The following ANK1 variants were observed in gnomAD, a reference collection of about 807,000 sequenced individuals.
ANK1 encodes ankyrin 1, also known as ankyrin-1.
A neutral mutation model predicts 210.4 loss-of-function variants in ANK1; 51 were observed. That is an observed-to-expected ratio of 0.24 (90% CI 0.19 to 0.31). The LOEUF is 0.31. Among genes scored for constraint, ANK1 ranks in the 10% least tolerant of loss-of-function variants. The pLI is 1.00. For missense variants in ANK1, 2,051 were observed against 2,504.4 expected (o/e 0.82, Z 3.86); for synonymous variants, 967 against 1,025.9 (o/e 0.94, Z 1.10).
In ANK1 at chr8:41,672,850, G is replaced by A. The variant is rs1812860709; in HGVS notation, c.4600C>T (p.Pro1534Ser). 1 of 1,611,204 alleles carries A rather than the reference G, an allele frequency of 6.2e-7. No homozygotes were observed. Among genetic ancestry groups the A allele is most frequent in the Non-Finnish European group, 8.5e-7 (1 of 1,179,914 alleles). ...TTCCAGTACTGGTCTGCACGTAGCGGAGAGGAAAGTGCACAGCCCAGGGAG... is the reference window on the plus strand; with the variant it reads ...TTCCAGTACTGGTCTGCACGTAGCGAAGAGGAAAGTGCACAGCCCAGGGAG... ...PASLGCALSS[P>S]LRADQYWNEV... is the part of the protein sequence containing the mutation. The change falls in exon 38 of 43, where the codon CCG becomes TCG. Residue 1534 changes from proline (P) to serine (S), a missense_variant. Pro to Ser is a moderately conservative substitution (Grantham distance 74). Around this residue, in one of 6 missense-constraint regions of ANK1, gnomAD observed 496 missense variants for 533.4 expected, o/e 0.93. Coordinates refer to ENST00000289734, the MANE Select transcript of ANK1 (RefSeq NM_000037.4).
intron 24 of ANK1, among the ~76,000 whole-genome samples, chr8:41,697,550 A>T (rs1391761409): frequency 6.6e-6 from 1 of 151,598 alleles, no homozygotes; most frequent in Admixed American, 6.6e-5. Flanking sequence ...CACACCACAC[A>T]GTGGAGCACT....
chr8:41,702,150 G>A lies in ANK1; in HGVS notation c.2296-6C>T. The stretch of plus-strand genomic sequence containing the variant: ...GCCAGAGGTGTGGTTCCATCCTGGG[G>A]AAAGAGCAGCCCGGGTGCAGTCAGA... On this transcript the variant is annotated splice_polypyrimidine_tract_variant and splice_region_variant and intron_variant, in intron 20 of 42. Transcript: ENST00000289734. 1 of 1,613,196 alleles carries A rather than the reference G, an allele frequency of 6.2e-7. No homozygotes were observed. Among genetic ancestry groups the A allele is most frequent in the Non-Finnish European group, 8.5e-7 (1 of 1,179,240 alleles).
intron 1 of ANK1, among the ~76,000 whole-genome samples, chr8:41,836,332 A>T (rs967989493): frequency 6.6e-6 from 1 of 152,272 alleles, no homozygotes; most frequent in African/African-American, 2.4e-5. Context: ...CATTCGTCAC[A>T]TACATTCATT....
chr8:41,667,194 C>A (rs1585874058), intron 39 of ANK1, among the ~76,000 whole-genome samples: 1 of 152,194 alleles, frequency 6.6e-6, no homozygotes, highest in South Asian at 2.1e-4. Flanking sequence ...GGCAGGGGAG[C>A]ATTCTAAATA....
intron 1 of ANK1, among the ~76,000 whole-genome samples, chr8:41,827,752 A>G (rs534040813): frequency 6.8e-6 from 1 of 146,004 alleles, no homozygotes; most frequent in East Asian, 2.0e-4. Flanking sequence ...GCATACATAC[A>G]CCCACTCACA....
intron 24 of ANK1, 92 bp downstream of exon 24, chr8:41,697,951 A>G: frequency 1.7e-6 from 2 of 1,171,482 alleles, no homozygotes; most frequent in Non-Finnish European, 2.5e-6. Context: ...ATTAGTGCCT[A>G]TTGTGCTACG....
At chr8:41,867,327 C>T (rs1044888241) in intron 1 of ANK1, among the ~76,000 whole-genome samples, 9 of 152,200 alleles carry the variant, frequency 5.9e-5, no homozygotes, top group Admixed American at 5.9e-4. Flanking sequence ...AAGGAGGCAA[C>T]ATCAGCTCTC....
intron 2 of ANK1, among the ~76,000 whole-genome samples, chr8:41,751,614 C>G (rs1837716789): frequency 6.6e-6 from 1 of 152,092 alleles, no homozygotes; most frequent in Non-Finnish European, 1.5e-5. Flanking sequence ...GTGCTGAGAC[C>G]AACACATCTG....
intron 3 of ANK1, among the ~76,000 whole-genome samples, chr8:41,732,712 C>A (rs1832491704): frequency 6.6e-6 from 1 of 150,946 alleles, no homozygotes; most frequent in Non-Finnish European, 1.5e-5. Context: ...CACGTCCAGC[C>A]TTGTTTCGTT....
At chr8:41,713,693 A>G (rs2150630917) in intron 16 of ANK1, among the ~76,000 whole-genome samples, 1 of 152,320 alleles carries the variant, frequency 6.6e-6, no homozygotes, top group East Asian at 1.9e-4. Flanking sequence ...TTCTCAAAGT[A>G]CGGTCGCTGT....
chr8:41,695,576 A>G (rs957336205), intron 26 of ANK1, among the ~76,000 whole-genome samples: 2 of 152,220 alleles, frequency 1.3e-5, no homozygotes, highest in Non-Finnish European at 2.9e-5. Context: ...GTCTCATTTC[A>G]TGCGGGCTCT....
chr8:41,754,564 C>T (rs751778144), intron 2 of ANK1, among the ~76,000 whole-genome samples: 1 of 152,208 alleles, frequency 6.6e-6, no homozygotes, highest in African/African-American at 2.4e-5. Flanking sequence ...CCTGTTACTG[C>T]CACCACAGTC....
Position 41,654,565 on chromosome 8 carries a change from G to C in ANK1, c.*1225C>G, listed in dbSNP as rs527279141. 1 of 152,612 alleles carries C rather than the reference G, an allele frequency of 6.6e-6. No homozygotes were observed. Among genetic ancestry groups the C allele is most frequent in the Non-Finnish European group, 1.5e-5 (1 of 68,046 alleles). The allele number at this position is 152,612 out of a possible 1,614,324, so 9.5% of individuals were successfully genotyped here. Reference sequence around the variant, plus strand: ...TGGGTGGTCCTGACTTCTAAGACCTGGCAGATACATTCACTAGCCCTACTC... The same window carrying C: ...TGGGTGGTCCTGACTTCTAAGACCTCGCAGATACATTCACTAGCCCTACTC... On this transcript the variant is annotated 3_prime_UTR_variant, in exon 43 of 43. Transcript: ENST00000289734.
At chr8:41,865,776 C>T (rs912397410) in intron 1 of ANK1, among the ~76,000 whole-genome samples, 3 of 152,178 alleles carry the variant, frequency 2.0e-5, no homozygotes, top group Non-Finnish European at 2.9e-5. Flanking sequence ...TTCCCATCCT[C>T]CTCCCACTGC....
chr8:41,766,340 A>G (rs926372097), intron 1 of ANK1, among the ~76,000 whole-genome samples: 3 of 152,194 alleles, frequency 2.0e-5, no homozygotes, highest in Admixed American at 6.5e-5. Flanking sequence ...CGATGGAGAA[A>G]CAGAGGTGAA....
At chr8:41,723,274 G>A (rs1156475237) in intron 8 of ANK1, 51 bp from the exon 9 acceptor site, 2 of 1,583,686 alleles carry the variant, frequency 1.3e-6, no homozygotes, top group South Asian at 2.2e-5. Flanking sequence ...GCTATCAGAG[G>A]CCATTTGGAG....
chr8:41,710,084 TTTA>T (rs1308557205), intron 16 of ANK1, among the ~76,000 whole-genome samples: 3 of 152,128 alleles, frequency 2.0e-5, no homozygotes, highest in Non-Finnish European at 1.5e-5. Context: ...AATTTTTGTT[TTTA>T]TTATTATTAT....
At chr8:41,891,535 A>T (rs1819453790) in intron 1 of ANK1, among the ~76,000 whole-genome samples, 1 of 152,230 alleles carries the variant, frequency 6.6e-6, no homozygotes, top group South Asian at 2.1e-4. Context: ...AGCAGCAGCC[A>T]AAATTCAGAG....
At chr8:41,692,620 G>C (rs769911471) in intron 31 of ANK1, 28 bp downstream of exon 31, 1 of 1,598,150 alleles carries the variant, frequency 6.3e-7, no homozygotes, top group Non-Finnish European at 8.6e-7. Context: ...GTTTGTCCCA[G>C]AGGCGGTGCA....
Sources: gnomAD v4.1 joint callset for allele counts (sites outside exome capture counted in the v4.1 genomes callset) on GRCh38, gnomAD v4.1.1 for gene constraint, gnomAD v4.1.1 regional missense constraint, MANE v1.5 for transcripts, NCBI Gene and HGNC (gene_info 2026-07-23, HGNC 2026-07-21) for gene names.